SLC8B1: variants seen among roughly 807,000 people sequenced by gnomAD.
The protein encoded by SLC8B1 is mitochondrial sodium/calcium exchanger protein.
Under a neutral mutation model 63.4 loss-of-function variants are expected in SLC8B1, and 52 were observed. The ratio of observed to expected loss-of-function variants is 0.82; its 90% CI spans 0.66 to 1.03. The LOEUF (loss-of-function observed/expected upper bound fraction) is 1.03. SLC8B1 is among the 50% of genes least tolerant of loss of function. The probability of loss-of-function intolerance (pLI) is 0.00; values close to 1 mark genes in which losing one functional copy is unlikely to be tolerated. For missense variants in SLC8B1, 657 were observed against 741.7 expected, an observed-to-expected ratio of 0.89 and a Z score of 1.33; for synonymous variants, 336 against 323.9, an observed-to-expected ratio of 1.04 and a Z score of -0.40.
rs61932101 is a variant in SLC8B1, at chr12:113,298,986, G to T, written c.*791C>A. 7,490 of 152,424 alleles carry T rather than the reference G, an allele frequency of 0.049. 264 individuals carry two copies. Among genetic ancestry groups the T allele is most frequent in the Middle Eastern group, 0.068 (20 of 294 alleles). 9.4% of individuals were successfully genotyped at this position (152,424 alleles called of 1,614,324 possible). Reference sequence around the variant, plus strand: ...CCAGGGCCCCGCTGAGGGAGGCACAGGCACAGTCCTACCGACTCCTGCCTG... The same window carrying T: ...CCAGGGCCCCGCTGAGGGAGGCACATGCACAGTCCTACCGACTCCTGCCTG... On this transcript the variant is annotated 3_prime_UTR_variant, in exon 16 of 16. Transcript: ENST00000680972.
At chr12:113,315,530 C>A in intron 10 of SLC8B1, 54 bp from the exon 11 acceptor site, 1 of 1,487,842 alleles carries the variant, frequency 6.7e-7, no homozygotes, top group Non-Finnish European at 9.0e-7. Context: ...GAATCCCAGC[C>A]GGCCACAGAT....
intron 10 of SLC8B1, among the ~76,000 whole-genome samples, chr12:113,315,786 C>T (rs1956826943): frequency 6.6e-6 from 1 of 152,214 alleles, no homozygotes; most frequent in Non-Finnish European, 1.5e-5. Flanking sequence ...CCAGGAGCCA[C>T]CTGCCTTCCA....
At position 113,299,963 on chromosome 12, in the gene SLC8B1, G is replaced by A. The variant is rs748511708; in HGVS notation, c.1569C>T (p.Asp523=). 8.2e-5 allele frequency: 133 copies of A among 1,613,062 alleles called. No individual in the cohort carries two copies. Among genetic ancestry groups the A allele is most frequent in the Middle Eastern group, 1.8e-4 (1 of 5,454 alleles). The change falls in exon 16 of 16, where the codon GAC becomes GAT. Residue 523 remains aspartate, a synonymous_variant. Transcript: ENST00000680972. ...CTGCCAGGACCCACACCAGCAGTCC[G>A]TCTGGCTCCAGCTGTGGAAGAATGA... ...RSHTEVKLEP[D]GLLVWVLAGA...
intron 8 of SLC8B1, among the ~76,000 whole-genome samples, chr12:113,318,311 G>C (rs1178613923): frequency 6.6e-6 from 1 of 151,454 alleles, no homozygotes; most frequent in East Asian, 2.0e-4. Flanking sequence ...TTGTGTATGT[G>C]CGCATGCATG....
intron 2 of SLC8B1, among the ~76,000 whole-genome samples, chr12:113,322,296 G>A (rs1255055269): frequency 1.3e-5 from 2 of 152,174 alleles, no homozygotes; most frequent in African/African-American, 2.4e-5. Flanking sequence ...GCACTCAGTG[G>A]GAGGGTCAAG....
In SLC8B1 at chr12:113,320,169, T is replaced by C; in HGVS notation, c.694+162A>G. ...GGCCTCTTTGGTTATGTGACCCACA[T>C]GTTCCCATTTTTGCTCAAGCCAGCT... On this transcript the variant is annotated intron_variant, in intron 7 of 15. Transcript: ENST00000680972. The surrounding 1 kb of genome is among the most constrained non-coding windows in gnomAD (Gnocchi z 5.3). 1 of 801,478 alleles carries C rather than the reference T, an allele frequency of 1.2e-6. No individual in the cohort carries two copies. The highest frequency in any genetic ancestry group is 2.0e-6 in the Non-Finnish European group (1 of 509,062). The allele number at this position is 801,478 out of a possible 1,614,324, so 49.6% of individuals were successfully genotyped here. A position where few individuals can be genotyped will look rare whatever the true frequency, so the allele number is the denominator to read the frequency against.
At chr12:113,332,039 A>G (rs566642419) in intron 2 of SLC8B1, among the ~76,000 whole-genome samples, 111 of 152,170 alleles carry the variant, frequency 7.3e-4, no homozygotes, top group Non-Finnish European at 3.2e-4. Flanking sequence ...TTCCTGCTCC[A>G]GAATCTTTGT....
In SLC8B1 at chr12:113,306,586, A is replaced by G; in HGVS notation, c.1412-11T>C. On this transcript the variant is annotated splice_polypyrimidine_tract_variant and intron_variant, in intron 13 of 15. Transcript: ENST00000680972. ...AATCCGAGAAGGCATCTGCACAGGAACAAGAGGGGCCTGCAGTGGTGAGTC... is the reference window on the plus strand; with the variant it reads ...AATCCGAGAAGGCATCTGCACAGGAGCAAGAGGGGCCTGCAGTGGTGAGTC... 6.2e-7 allele frequency: 1 copy of G among 1,613,344 alleles called. No homozygotes were observed. The highest frequency in any genetic ancestry group is 1.1e-5 in the South Asian group (1 of 91,074).
chr12:113,333,700 GTGTTTTT>G (rs945321292), intron 1 of SLC8B1, among the ~76,000 whole-genome samples: 1 of 151,824 alleles, frequency 6.6e-6, no homozygotes, highest in Non-Finnish European at 1.5e-5. Context: ...GCTCAGAGGA[GTGTTTTT>G]TGTTTTTTGT....
At chr12:113,315,586 G>A in intron 10 of SLC8B1, 110 bp from the exon 11 acceptor site, 2 of 1,316,012 alleles carry the variant, frequency 1.5e-6, no homozygotes, top group Non-Finnish European at 2.0e-6. Flanking sequence ...CTGAAGCACT[G>A]ACTGTGTGCG....
chr12:113,329,137 G>A (rs577267220), intron 2 of SLC8B1, among the ~76,000 whole-genome samples: 1 of 152,270 alleles, frequency 6.6e-6, no homozygotes, highest in African/African-American at 2.4e-5. Flanking sequence ...CAGTTGTGCT[G>A]CACACCGTGC....
intron 8 of SLC8B1, among the ~76,000 whole-genome samples, 199 bp downstream of exon 8, chr12:113,318,765 T>G (rs1338772595): frequency 6.6e-6 from 1 of 152,174 alleles, no homozygotes; most frequent in Non-Finnish European, 1.5e-5. Flanking sequence ...GGAGTGCACT[T>G]GAGCCTGCAG....
chr12:113,324,558 C>T (rs551782858), intron 2 of SLC8B1, among the ~76,000 whole-genome samples: 54 of 151,746 alleles, frequency 3.6e-4, no homozygotes, highest in African/African-American at 1.1e-3. Context: ...AGGTGCCCAC[C>T]GACACGCCCG....
At chr12:113,316,686 G>C in intron 9 of SLC8B1, 30 bp from the exon 10 acceptor site, 1 of 1,607,930 alleles carries the variant, frequency 6.2e-7, no homozygotes, top group South Asian at 1.1e-5. Context: ...GGTGAGGTGT[G>C]CCTGCGGCTG....
intron 11 of SLC8B1, among the ~76,000 whole-genome samples, chr12:113,314,252 A>G (rs1457685821): frequency 6.6e-6 from 1 of 152,178 alleles, no homozygotes; most frequent in Non-Finnish European, 1.5e-5. Flanking sequence ...ATCCTCCCAC[A>G]AACCGGGGGA....
At chr12:113,315,527 AGCCG>A in intron 10 of SLC8B1, 51 bp from the exon 11 acceptor site, 1 of 1,490,056 alleles carries the variant, frequency 6.7e-7, no homozygotes, top group Non-Finnish European at 9.0e-7. Flanking sequence ...TCTGAATCCC[AGCCG>A]GCCACAGATG....
chr12:113,322,246 G>A (rs1364641172), intron 2 of SLC8B1, among the ~76,000 whole-genome samples: 1 of 152,066 alleles, frequency 6.6e-6, no homozygotes, highest in East Asian at 1.9e-4. Context: ...CTATTATCAT[G>A]CCCATTAAAC....
intron 8 of SLC8B1, 81 bp from the exon 9 acceptor site, chr12:113,317,082 G>C (rs986693827): frequency 1.6e-6 from 2 of 1,238,432 alleles, no homozygotes; most frequent in Non-Finnish European, 1.2e-6. Flanking sequence ...GTTTAGGGGT[G>C]CAAGTGTTCA....
intron 2 of SLC8B1, among the ~76,000 whole-genome samples, chr12:113,325,657 C>T (rs890259003): frequency 1.3e-5 from 2 of 151,714 alleles, no homozygotes; most frequent in Non-Finnish European, 2.9e-5. Flanking sequence ...TTCCGCCTCC[C>T]AGGTTCACAC....
Sources: allele counts gnomAD v4.1 joint callset (sites outside exome capture counted in the v4.1 genomes callset), GRCh38; gene constraint gnomAD v4.1.1; non-coding constraint Gnocchi (gnomAD v3.1); transcripts MANE v1.5; gene names NCBI Gene and HGNC (gene_info 2026-07-23, HGNC 2026-07-21).